Variants in CATSPERD observed in about 807,000 individuals in gnomAD.
CATSPERD encodes catsper channel auxiliary subunit delta.
Under a neutral mutation model 98.1 loss-of-function variants are expected in CATSPERD, and 86 were observed. That is an observed-to-expected ratio of 0.88 (90% CI 0.74 to 1.05). The LOEUF is 1.05. Ranked by LOEUF, CATSPERD falls within the 50% of genes least tolerant of loss-of-function variation. The probability of loss-of-function intolerance (pLI) is 0.00; values close to 1 mark genes in which losing one functional copy is unlikely to be tolerated. For synonymous variants in CATSPERD, 394 were observed against 390.2 expected, an observed-to-expected ratio of 1.01 and a Z score of -0.12; for missense variants, 995 against 1,005.7, an observed-to-expected ratio of 0.99 and a Z score of 0.14.
rs371576931 is a variant in CATSPERD, at chr19:5,752,026, G to A, written c.1164+203G>A. ...AAAAAATTTTTTTTTAAAGCTGGGC[G>A]TTGGCCAGGTACGGTGGGAGACTTT... On this transcript the variant is annotated intron_variant, in intron 12 of 21. Coordinates refer to ENST00000381624, the MANE Select transcript of CATSPERD (RefSeq NM_152784.4). Among the ~76,000 whole-genome samples the A allele has an allele frequency of 3.7e-4, 57 of 152,084 alleles. 1 individual carries two copies. In the South Asian group the frequency reaches 0.01, roughly 27 times the overall value.
At chr19:5,732,366 A>C (rs1019055317) in intron 4 of CATSPERD, among the ~76,000 whole-genome samples, 6 of 152,156 alleles carry the variant, frequency 3.9e-5, no homozygotes, top group Admixed American at 3.3e-4. Context: ...GCTGGCCCCA[A>C]GATACACAGT....
chr19:5,741,787 G>GGGA (rs2055971047), intron 7 of CATSPERD, among the ~76,000 whole-genome samples: 1 of 90,204 alleles, frequency 1.1e-5, no homozygotes, highest in African/African-American at 4.4e-5. Context: ...GCTGAAGGCG[G>GGGA]GGGGGGGGGG....
intron 12 of CATSPERD, among the ~76,000 whole-genome samples, chr19:5,752,489 A>T (rs1046275571): frequency 7.2e-5 from 11 of 152,004 alleles, no homozygotes; most frequent in Non-Finnish European, 1.0e-4. Context: ...ACACTAATTT[A>T]AAAAAAGAGA....
At position 5,727,329 on chromosome 19, in the gene CATSPERD, T is replaced by C. The variant is rs1419738571; in HGVS notation, c.188T>C (p.Ile63Thr). Residue 63 changes from isoleucine to threonine, a missense_variant, in exon 3 of 22, where the codon ATA becomes ACA. Ile to Thr is a moderately conservative substitution (Grantham distance 89, BLOSUM62 -1). This residue lies in a region of CATSPERD where 228 missense variants were observed against 209.6 expected (regional missense o/e 1.09). Transcript: ENST00000381624. ...RLIKHPCEKN[I>T]ALYLGKQVFF... Reference sequence around the variant, plus strand: ...ATTAAACATCCTTGCGAGAAAAATATAGCACTATATCTAGGGTAAGTGGCA... The same window carrying C: ...ATTAAACATCCTTGCGAGAAAAATACAGCACTATATCTAGGGTAAGTGGCA... 1.9e-6 allele frequency: 3 copies of C among 1,611,846 alleles called. No individual in the cohort carries two copies. Among genetic ancestry groups the C allele is most frequent in the South Asian group, 2.2e-5 (2 of 91,032 alleles).
intron 5 of CATSPERD, among the ~76,000 whole-genome samples, chr19:5,734,291 T>A (rs2055797254): frequency 6.6e-6 from 1 of 152,086 alleles, no homozygotes; most frequent in African/African-American, 2.4e-5. Flanking sequence ...TCATCTGAGG[T>A]CAGGAGTTCG....
chr19:5,726,181 C>G (rs1336261093), intron 2 of CATSPERD, among the ~76,000 whole-genome samples: 1 of 151,640 alleles, frequency 6.6e-6, no homozygotes, highest in Non-Finnish European at 1.5e-5. Flanking sequence ...CCTGCCTCAG[C>G]CTCCCAAGTA....
intron 13 of CATSPERD, among the ~76,000 whole-genome samples, chr19:5,755,053 A>G (rs966631466): frequency 2.6e-5 from 4 of 151,694 alleles, no homozygotes; most frequent in African/African-American, 9.7e-5. Context: ...CATGTTGGTC[A>G]GACTGGTCTT....
chr19:5,757,598 A>G (rs1049061263), intron 13 of CATSPERD, among the ~76,000 whole-genome samples: 1 of 109,994 alleles, frequency 9.1e-6, no homozygotes, highest in African/African-American at 3.4e-5. Context: ...CGCCTGGCCA[A>G]ATTTTTTTTT....
chr19:5,773,399 G>A (rs951647390), intron 20 of CATSPERD, among the ~76,000 whole-genome samples: 27 of 152,302 alleles, frequency 1.8e-4, no homozygotes, highest in African/African-American at 6.0e-4. Context: ...ACCGAAGGAC[G>A]GGAAATGCAG....
At chr19:5,726,601 C>T (rs1053172336) in intron 2 of CATSPERD, among the ~76,000 whole-genome samples, 17 of 151,620 alleles carry the variant, frequency 1.1e-4, no homozygotes, top group East Asian at 3.9e-4. Flanking sequence ...AGGCTGGTCT[C>T]GAACTCCTGG....
chr19:5,739,857 C>A, intron 7 of CATSPERD, among the ~76,000 whole-genome samples: 2 of 77,182 alleles, frequency 2.6e-5, no homozygotes, highest in African/African-American at 1.1e-4. Flanking sequence ...AAAAAAAGTC[C>A]ACTGGCTGGG....
At chr19:5,745,317 G>A (rs2056073316) in intron 8 of CATSPERD, among the ~76,000 whole-genome samples, 1 of 151,544 alleles carries the variant, frequency 6.6e-6, no homozygotes, top group South Asian at 2.1e-4. Context: ...ACATTTTTCT[G>A]TACTACATCT....
intron 19 of CATSPERD, chr19:5,772,377 G>A (rs551778374): frequency 2.5e-4 from 62 of 252,044 alleles, no homozygotes; most frequent in Non-Finnish European, 3.8e-4. Context: ...ACAGGCGCCC[G>A]CCACTGCGCC....
At chr19:5,771,185 A>G in intron 19 of CATSPERD, 113 bp downstream of exon 19, 1 of 1,202,908 alleles carries the variant, frequency 8.3e-7, no homozygotes, top group South Asian at 1.5e-5. Context: ...CAAAATGATG[A>G]TGGTCACTGT....
intron 7 of CATSPERD, among the ~76,000 whole-genome samples, chr19:5,739,842 A>AAAAAAAAAAAG (rs1568348324): frequency 6.8e-5 from 9 of 132,980 alleles, no homozygotes; most frequent in Non-Finnish European, 9.4e-5. Flanking sequence ...TCATCTCAAA[A>AAAAAAAAAAAG]AAAAAAAAAA....
chr19:5,743,289 G>C lies in CATSPERD; in HGVS notation c.574-1138G>C, dbSNP rs796922196. On this transcript the variant is annotated intron_variant, in intron 7 of 21. Coordinates refer to ENST00000381624, the MANE Select transcript of CATSPERD (RefSeq NM_152784.4). Reference sequence around the variant, plus strand: ...TTGCACTCCAGCCTGGGCGACAAGAGTGTAACTCTGTCTCAAAAACAAACA... The same window carrying C: ...TTGCACTCCAGCCTGGGCGACAAGACTGTAACTCTGTCTCAAAAACAAACA... 3.3e-5 allele frequency among the ~76,000 whole-genome samples: 5 copies of C among 150,218 alleles called. 1 individual carries two copies. The highest frequency in any genetic ancestry group is 1.2e-4 in the African/African-American group (5 of 40,878).
rs779055195 is a variant in CATSPERD at position 5,759,125 on chromosome 19, G to A, written c.1408G>A (p.Asp470Asn). ...ACAGCAGCAGCACTGGGGCAGGACC[G>A]ACTCCAACTTCACTTCCAGGTATGT... is the stretch of plus-strand genomic sequence containing the variant. ...LKQQQHWGRT[D>N]SNFTSSLKKA... Residue 470 changes from aspartate to asparagine, a missense_variant, in exon 15 of 22, where the codon GAC (aspartate) becomes AAC (asparagine). Physicochemically the swap from Asp to Asn is conservative, Grantham distance 23 (BLOSUM62 1). This residue lies in a region of CATSPERD where 762 missense variants were observed against 773.7 expected (regional missense o/e 0.98). Coordinates refer to ENST00000381624, the MANE Select transcript of CATSPERD (RefSeq NM_152784.4). 20 of 1,613,818 alleles carry A rather than the reference G, an allele frequency of 1.2e-5. No individual in the cohort carries two copies. Among genetic ancestry groups the A allele is most frequent in the Admixed American group, 1.7e-5 (1 of 59,950 alleles).
intron 13 of CATSPERD, among the ~76,000 whole-genome samples, chr19:5,755,096 G>A (rs1176940941): frequency 1.3e-5 from 2 of 151,754 alleles, no homozygotes; most frequent in African/African-American, 4.8e-5. Flanking sequence ...CACCCACCTC[G>A]GACTCCCAAA....
rs758511219 is a variant in CATSPERD, at chr19:5,724,849, A to G, written c.113A>G (p.Gln38Arg). ...VRTGKVFNLI[Q>R]DVQGDRLYFH... Reference sequence around the variant, plus strand: ...ACAGGAAAAGTGTTTAATCTGATACAGGACGTTCAAGGGGTATGTGGCTCC... The same window carrying G: ...ACAGGAAAAGTGTTTAATCTGATACGGGACGTTCAAGGGGTATGTGGCTCC... Residue 38 changes from glutamine (Q) to arginine (R), a missense_variant, in exon 2 of 22, where the codon CAG (glutamine) becomes CGG (arginine). Around this residue, in one of 3 missense-constraint regions of CATSPERD, gnomAD observed 228 missense variants for 209.6 expected, o/e 1.09. Transcript: ENST00000381624. 2.5e-6 allele frequency: 4 copies of G among 1,614,016 alleles called. No individual in the cohort carries two copies. In the East Asian group the frequency reaches 8.9e-5, roughly 36 times the overall value.
Sources: allele counts gnomAD v4.1 joint callset (sites outside exome capture counted in the v4.1 genomes callset), GRCh38; gene constraint gnomAD v4.1.1; regional missense constraint gnomAD v4.1.1; transcripts MANE v1.5; gene names NCBI Gene and HGNC (gene_info 2026-07-23, HGNC 2026-07-21).